The following MAP3K5 variants were observed in gnomAD, a reference collection of about 807,000 sequenced individuals.
The protein encoded by MAP3K5 is ASK-1.
Under a neutral mutation model 158.7 loss-of-function variants are expected in MAP3K5, and 56 were observed. That is an observed-to-expected ratio of 0.35 (90% CI 0.28 to 0.44). The LOEUF (loss-of-function observed/expected upper bound fraction) is 0.44, where lower values mean the gene tolerates loss of function less well. MAP3K5 is among the 20% of genes least tolerant of loss of function. MAP3K5 has a pLI of 1.00. For missense variants in MAP3K5, 1,294 were observed against 1,674.8 expected (o/e 0.77, Z 3.97); for synonymous variants, 579 against 601.7 (o/e 0.96, Z 0.55).
At chr6:136,621,484 A>G (rs939041671) in intron 15 of MAP3K5, among the ~76,000 whole-genome samples, 2 of 152,200 alleles carry the variant, frequency 1.3e-5, no homozygotes, top group African/African-American at 2.4e-5. Context: ...AGTTTTCTAT[A>G]GAAAGGTGGA....
chr6:136,577,488 C>A (rs1774670551), intron 25 of MAP3K5, among the ~76,000 whole-genome samples: 1 of 152,174 alleles, frequency 6.6e-6, no homozygotes, highest in Non-Finnish European at 1.5e-5. Flanking sequence ...CTCAAAGAAA[C>A]CAATTTCATG....
intron 25 of MAP3K5, among the ~76,000 whole-genome samples, chr6:136,568,521 A>G (rs1450154180): frequency 1.3e-5 from 2 of 152,162 alleles, no homozygotes; most frequent in African/African-American, 4.8e-5. Context: ...TAGAAGTTAC[A>G]ATTTTCCAAC....
intron 28 of MAP3K5, among the ~76,000 whole-genome samples, chr6:136,559,852 A>G (rs1441904502): frequency 6.6e-6 from 1 of 152,164 alleles, no homozygotes; most frequent in Non-Finnish European, 1.5e-5. Context: ...TTTTAAACCA[A>G]ATAAAAAGGG....
intron 7 of MAP3K5, among the ~76,000 whole-genome samples, chr6:136,686,283 A>C (rs929387487): frequency 3.3e-5 from 5 of 152,194 alleles, no homozygotes; most frequent in African/African-American, 4.8e-5. Context: ...CAAAATAATA[A>C]GAGGTATTTA....
At chr6:136,648,633 A>G (rs1778379095) in intron 11 of MAP3K5, among the ~76,000 whole-genome samples, 1 of 152,258 alleles carries the variant, frequency 6.6e-6, no homozygotes, top group Admixed American at 6.5e-5. Flanking sequence ...AAATTAAAAT[A>G]TAAATAACAT....
chr6:136,681,778 G>C (rs537982150), intron 7 of MAP3K5, among the ~76,000 whole-genome samples: 72 of 152,276 alleles, frequency 4.7e-4, no homozygotes, highest in African/African-American at 1.6e-3. Context: ...AATTAGCCGG[G>C]TGTGGTGGCG....
chr6:136,615,951 A>C (rs992720732), intron 15 of MAP3K5, among the ~76,000 whole-genome samples: 1 of 152,182 alleles, frequency 6.6e-6, no homozygotes, highest in African/African-American at 2.4e-5. Context: ...TAAACATTTA[A>C]ATTCATTTAA....
chr6:136,648,901 T>A (rs1373898364), intron 11 of MAP3K5, among the ~76,000 whole-genome samples: 1 of 152,222 alleles, frequency 6.6e-6, no homozygotes, highest in Non-Finnish European at 1.5e-5. Flanking sequence ...ATACGTGAGG[T>A]CTGAAAGTCT....
intron 15 of MAP3K5, among the ~76,000 whole-genome samples, chr6:136,621,428 T>C (rs1475756345): frequency 6.6e-6 from 1 of 152,222 alleles, no homozygotes; most frequent in African/African-American, 2.4e-5. Flanking sequence ...TTCTGACACT[T>C]GCTATGTTGC....
At chr6:136,785,613 A>T (rs1327603453) in intron 1 of MAP3K5, among the ~76,000 whole-genome samples, 1 of 152,166 alleles carries the variant, frequency 6.6e-6, no homozygotes, top group Non-Finnish European at 1.5e-5. Flanking sequence ...AGAAGCCTAA[A>T]GGAAGTGAAA....
At chr6:136,631,611 C>G (rs1013498051) in intron 14 of MAP3K5, among the ~76,000 whole-genome samples, 3 of 151,700 alleles carry the variant, frequency 2.0e-5, no homozygotes, top group African/African-American at 7.3e-5. Context: ...CTCTCGGGCT[C>G]AAGCAGAGAG....
rs73554162 is a variant in MAP3K5, at chr6:136,557,581, A to G, written c.*177T>C. ...GAGTCCTTAAAAATTATAGAAATAG[A>G]TGTAGTTAGGAAATTTCAGTGTGTT... On this transcript the variant is annotated 3_prime_UTR_variant, in exon 30 of 30. Transcript: ENST00000359015. The G allele has an allele frequency of 2.2e-4, 122 of 552,246 alleles. No homozygotes were observed. The African/African-American group carries it at 2.2e-3, about 10-fold the overall frequency. 34.2% of individuals were successfully genotyped at this position (552,246 alleles called of 1,614,324 possible).
chr6:136,629,679 C>G (rs1777228888), intron 14 of MAP3K5, among the ~76,000 whole-genome samples: 1 of 152,166 alleles, frequency 6.6e-6, no homozygotes, highest in Non-Finnish European at 1.5e-5. Flanking sequence ...TGGTCTCAAT[C>G]TCCTGACCTC....
chr6:136,661,543 G>A (rs368930855), intron 8 of MAP3K5, among the ~76,000 whole-genome samples: 2 of 151,964 alleles, frequency 1.3e-5, no homozygotes, highest in East Asian at 3.8e-4. Context: ...GTACAGGCAT[G>A]AGCCACCACA....
intron 1 of MAP3K5, among the ~76,000 whole-genome samples, chr6:136,747,613 A>G (rs1169966933): frequency 6.6e-6 from 1 of 152,210 alleles, no homozygotes; most frequent in Admixed American, 6.5e-5. Flanking sequence ...AAAACAATGG[A>G]TTGAAGAATA....
intron 29 of MAP3K5, among the ~76,000 whole-genome samples, chr6:136,558,079 A>G (rs1203676414): frequency 6.6e-6 from 1 of 152,234 alleles, no homozygotes; most frequent in Non-Finnish European, 1.5e-5. Context: ...AATGGTGGGT[A>G]TAATAGTTTT....
chr6:136,758,625 C>T (rs1465568229), intron 1 of MAP3K5, among the ~76,000 whole-genome samples: 1 of 152,230 alleles, frequency 6.6e-6, no homozygotes, highest in Admixed American at 6.5e-5. Context: ...CTCTTTACCC[C>T]TCCTTTACCT....
chr6:136,686,720 T>C (rs1780165123), intron 7 of MAP3K5, among the ~76,000 whole-genome samples: 1 of 152,138 alleles, frequency 6.6e-6, no homozygotes, highest in African/African-American at 2.4e-5. Flanking sequence ...TTACAAGGGA[T>C]GTGAAGGACC....
chr6:136,714,541 C>G (rs1583465342), intron 2 of MAP3K5, among the ~76,000 whole-genome samples: 1 of 152,136 alleles, frequency 6.6e-6, no homozygotes, highest in East Asian at 1.9e-4. Flanking sequence ...AATTTCCTTC[C>G]TTTTTAAGAT....
Sources: allele counts gnomAD v4.1 joint callset (sites outside exome capture counted in the v4.1 genomes callset), GRCh38; gene constraint gnomAD v4.1.1; transcripts MANE v1.5; gene names NCBI Gene and HGNC (gene_info 2026-07-23, HGNC 2026-07-21).